RASSF6: variants seen among roughly 807,000 people sequenced by gnomAD.
RASSF6 encodes Ras association domain family member 6.
In RASSF6, 52 loss-of-function variants were observed where a neutral mutation model predicts 44.0. That is an observed-to-expected ratio of 1.18 (90% CI 0.95 to 1.49). The LOEUF is 1.49. Among genes scored for constraint, RASSF6 ranks in the 40% most tolerant of loss-of-function variants. RASSF6 has a pLI of 0.00. For missense variants in RASSF6, 464 were observed against 393.3 expected, an observed-to-expected ratio of 1.18 and a Z score of -1.52; for synonymous variants, 162 against 124.6, an observed-to-expected ratio of 1.30 and a Z score of -2.00.
At chr4:73,593,101 C>T (rs979642582) in intron 4 of RASSF6, among the ~76,000 whole-genome samples, 7 of 151,630 alleles carry the variant, frequency 4.6e-5, no homozygotes, top group South Asian at 2.1e-4. Context: ...CTGCAAACTC[C>T]GCCTCCCGGA....
At chr4:73,580,974 C>G (rs1467352446) in intron 8 of RASSF6, among the ~76,000 whole-genome samples, 1 of 151,192 alleles carries the variant, frequency 6.6e-6, no homozygotes, top group Non-Finnish European at 1.5e-5. Flanking sequence ...ATGGTAATGC[C>G]TAGGTTTTCT....
Position 73,582,284 on chromosome 4 carries a change from T to A in RASSF6, c.574A>T (p.Ile192Phe). The A allele has an allele frequency of 1.9e-6, 3 of 1,549,732 alleles. No individual in the cohort carries two copies. In the South Asian group the frequency reaches 3.5e-5, roughly 18 times the overall value. ...TCTGATTCAAAGGCTGGAATGAAAA[T>A]TGATGTCTAGAAAAAGAATTGTCAC... ...NGHFYNHETS[I>F]FIPAFESETK... The change falls in exon 7 of 11, where the codon ATT becomes TTT. Residue 192 changes from isoleucine (I) to phenylalanine (F), a missense_variant. Transcript: ENST00000307439.
At chr4:73,620,606 A>G (rs1197948558), upstream of RASSF6, 3 of 768,024 alleles carry the variant, frequency 3.9e-6, no homozygotes, top group South Asian at 3.9e-5. Flanking sequence ...GTGTCAAGAA[A>G]CCTGAGCCAC....
chr4:73,574,570 C>G lies in RASSF6; in HGVS notation c.*1665G>C, dbSNP rs973290909. 1.3e-5 allele frequency: 2 copies of G among 152,130 alleles called. No homozygotes were observed. The highest frequency in any genetic ancestry group is 2.4e-5 in the African/African-American group (1 of 41,422). The allele number at this position is 152,130 out of a possible 1,614,324, so 9.4% of individuals were successfully genotyped here. ...TTCCCTCAGCCTTAGGGTACCTTCT[C>G]TTTTCATCTTTATTATTATTCTCCT... is the stretch of plus-strand genomic sequence containing the variant. On this transcript the variant is annotated 3_prime_UTR_variant, in exon 11 of 11. Transcript: ENST00000307439.
chr4:73,583,306 G>A (rs1187044625), intron 6 of RASSF6, among the ~76,000 whole-genome samples: 1 of 152,066 alleles, frequency 6.6e-6, no homozygotes, highest in African/African-American at 2.4e-5. Context: ...TCAACATATA[G>A]TGAATTTGTT....
intron 1 of RASSF6, among the ~76,000 whole-genome samples, chr4:73,613,276 G>A (rs531570626): frequency 6.6e-6 from 1 of 152,280 alleles, no homozygotes; most frequent in African/African-American, 2.4e-5. Flanking sequence ...TTAGTCACCA[G>A]GCAAAGTAAT....
At chr4:73,607,683 C>T (rs1314884495) in intron 2 of RASSF6, among the ~76,000 whole-genome samples, 1 of 151,470 alleles carries the variant, frequency 6.6e-6, no homozygotes, top group Non-Finnish European at 1.5e-5. Context: ...CACCCTAGAA[C>T]TCCTGAATCA....
At chr4:73,578,369 G>C (rs1188029944) in intron 8 of RASSF6, among the ~76,000 whole-genome samples, 1 of 152,112 alleles carries the variant, frequency 6.6e-6, no homozygotes, top group African/African-American at 2.4e-5. Flanking sequence ...AGCTGTTCAA[G>C]TTATCACACA....
At chr4:73,620,246 G>T in intron 1 of RASSF6, 42 bp downstream of exon 1, 2 of 1,291,718 alleles carry the variant, frequency 1.5e-6, no homozygotes, top group Non-Finnish European at 2.0e-6. Context: ...ATGACCCCAG[G>T]GAGTGGATTA....
intron 2 of RASSF6, among the ~76,000 whole-genome samples, chr4:73,609,778 T>C (rs1299932792): frequency 6.6e-6 from 1 of 152,202 alleles, no homozygotes; most frequent in East Asian, 1.9e-4. Flanking sequence ...CTGGATATCA[T>C]AGTTGGTCAG....
intron 3 of RASSF6, 70 bp downstream of exon 3, chr4:73,598,568 TTG>T (rs10632092): frequency 7.4e-4 from 380 of 511,340 alleles, no homozygotes; most frequent in East Asian, 9.5e-4. Context: ...TCTTCCAGAA[TTG>T]TGTGTGTGTG....
At chr4:73,598,995 A>C (rs897304121) in intron 2 of RASSF6, among the ~76,000 whole-genome samples, 3 of 152,232 alleles carry the variant, frequency 2.0e-5, no homozygotes, top group Non-Finnish European at 2.9e-5. Flanking sequence ...GGCAGCCACG[A>C]AACAGGAATT....
chr4:73,594,557 C>A (rs1037395280), intron 3 of RASSF6, among the ~76,000 whole-genome samples: 2 of 152,178 alleles, frequency 1.3e-5, no homozygotes, highest in African/African-American at 2.4e-5. Context: ...ATTATGATAA[C>A]CCCTAATTCA....
chr4:73,576,585 AAC>A (rs1723243066), intron 9 of RASSF6, 26 bp downstream of exon 9: 1 of 1,582,570 alleles, frequency 6.3e-7, no homozygotes, highest in African/African-American at 1.4e-5. Context: ...GGAAGCAAAA[AAC>A]AGATTCAGGG....
rs1723159807 is a variant in RASSF6, at chr4:73,575,593, C to T, written c.*642G>A. ...AGCTTTGAACTGATGAAAGGTCTTT[C>T]ATCAGCAGAAGAGAGAGAATAAAAG... is the stretch of plus-strand genomic sequence containing the variant. On this transcript the variant is annotated 3_prime_UTR_variant, in exon 11 of 11. Coordinates refer to ENST00000307439, the MANE Select transcript of RASSF6 (RefSeq NM_177532.5). The T allele has an allele frequency of 6.6e-6, 1 of 152,104 alleles. No individual in the cohort carries two copies. Among genetic ancestry groups the T allele is most frequent in the Non-Finnish European group, 1.5e-5 (1 of 67,992 alleles). The allele number at this position is 152,104 out of a possible 1,614,324, so 9.4% of individuals were successfully genotyped here.
At position 73,620,431 on chromosome 4, in the gene RASSF6, T is replaced by A; in HGVS notation, c.-178A>T. On this transcript the variant is annotated 5_prime_UTR_variant, in exon 1 of 11. Coordinates refer to ENST00000307439, the MANE Select transcript of RASSF6 (RefSeq NM_177532.5). Reference sequence around the variant, plus strand: ...CTCTGCCGGGCTGGGACTCCGCGAGTCACTCACCTGTAGGGGAGGTCCGAG... The same window carrying A: ...CTCTGCCGGGCTGGGACTCCGCGAGACACTCACCTGTAGGGGAGGTCCGAG... 6.5e-7 allele frequency: 1 copy of A among 1,545,134 alleles called. No homozygotes were observed. Among genetic ancestry groups the A allele is most frequent in the Non-Finnish European group, 8.7e-7 (1 of 1,144,340 alleles).
chr4:73,609,599 A>G (rs1429205567), intron 2 of RASSF6, among the ~76,000 whole-genome samples: 1 of 152,216 alleles, frequency 6.6e-6, no homozygotes, highest in Non-Finnish European at 1.5e-5. Flanking sequence ...CTGCTTAACT[A>G]TTAATTTCCA....
At chr4:73,599,524 G>A (rs953255012) in intron 2 of RASSF6, among the ~76,000 whole-genome samples, 1 of 152,208 alleles carries the variant, frequency 6.6e-6, no homozygotes. Flanking sequence ...AAACAGCTGT[G>A]GTAAGGAATG....
chr4:73,579,758 T>G (rs908635579), intron 8 of RASSF6, among the ~76,000 whole-genome samples: 1 of 152,086 alleles, frequency 6.6e-6, no homozygotes, highest in Non-Finnish European at 1.5e-5. Context: ...AGTCCAGTAT[T>G]GCTACCATTT....
Sources: gnomAD v4.1 joint callset for allele counts (sites outside exome capture counted in the v4.1 genomes callset) on GRCh38, gnomAD v4.1.1 for gene constraint, MANE v1.5 for transcripts, NCBI Gene and HGNC (gene_info 2026-07-23, HGNC 2026-07-21) for gene names.